MYOM2: variants seen among roughly 807,000 people sequenced by gnomAD.
MYOM2 encodes the protein myomesin 2.
In MYOM2, 254 loss-of-function variants were observed where a neutral mutation model predicts 187.6. The ratio of observed to expected loss-of-function variants is 1.35; its 90% CI spans 1.22 to 1.50. The LOEUF is 1.50. Among genes scored for constraint, MYOM2 ranks in the 40% most tolerant of loss-of-function variants. The pLI is 0.00. For missense variants in MYOM2, 2,796 were observed against 1,924.0 expected (o/e 1.45, Z -8.48); for synonymous variants, 981 against 753.8 (o/e 1.30, Z -4.94).
Position 2,081,363 on chromosome 8 carries a change from T to C in MYOM2, c.1516+1750T>C, listed in dbSNP as rs1309097751. On this transcript the variant is annotated intron_variant, in intron 13 of 36. Transcript: ENST00000262113. ...GGAGGAACAGGCAGCCCAGCCCATGTAGAATGAGGTTTGGTTCTGGCCTGC... is the reference window on the plus strand; with the variant it reads ...GGAGGAACAGGCAGCCCAGCCCATGCAGAATGAGGTTTGGTTCTGGCCTGC... Among the ~76,000 whole-genome samples, 18 of 95,724 alleles carry C rather than the reference T, an allele frequency of 1.9e-4. 1 individual carries two copies. Among genetic ancestry groups the C allele is most frequent in the African/African-American group, 6.4e-4 (15 of 23,362 alleles). 62.8% of individuals were successfully genotyped at this position (95,724 alleles called of 152,430 possible).
At chr8:2,045,597 G>A (rs1431170111) in intron 1 of MYOM2, among the ~76,000 whole-genome samples, 1 of 152,154 alleles carries the variant, frequency 6.6e-6, no homozygotes, top group African/African-American at 2.4e-5. Flanking sequence ...TTTCTTAAGG[G>A]AAAAAAGAGT....
rs571013350 is a variant in MYOM2, at chr8:2,085,428, T to C, written c.1644+38T>C. On this transcript the variant is annotated intron_variant, in intron 14 of 36. Transcript: ENST00000262113. ...CCCGTGTCCTGGAAAAGTAGATCTC[T>C]GCATGGCCCCCCACTGTCATGATCT... is the stretch of plus-strand genomic sequence containing the variant. 212 of 1,597,672 alleles carry C rather than the reference T, an allele frequency of 1.3e-4. 2 individuals carry two copies. In the South Asian group the frequency reaches 1.4e-3, roughly 10 times the overall value.
chr8:2,121,964 T>C (rs1321949366), intron 28 of MYOM2, among the ~76,000 whole-genome samples: 1 of 152,190 alleles, frequency 6.6e-6, no homozygotes, highest in East Asian at 1.9e-4. Flanking sequence ...ATGAGTTATT[T>C]TGGGGAATTA....
chr8:2,069,422 C>A (rs1361739063), intron 7 of MYOM2, 25 bp from the exon 8 acceptor site: 3 of 1,614,134 alleles, frequency 1.9e-6, no homozygotes, highest in African/African-American at 1.3e-5. Flanking sequence ...CTCTTTTCTG[C>A]TGCACTCACT....
intron 32 of MYOM2, among the ~76,000 whole-genome samples, chr8:2,132,631 G>C (rs1440230165): frequency 2.0e-5 from 3 of 151,956 alleles, no homozygotes; most frequent in Non-Finnish European, 4.4e-5. Flanking sequence ...CTGTCACCCG[G>C]GCTGGAGAGC....
chr8:2,086,336 C>T (rs1212923046), intron 14 of MYOM2, among the ~76,000 whole-genome samples: 1,608 of 100,900 alleles, frequency 0.016, 305 homozygotes, highest in Non-Finnish European at 0.026. Flanking sequence ...CGTGGCCCCC[C>T]ACTGTTGTGA....
At chr8:2,090,278 A>T in intron 15 of MYOM2, 87 bp downstream of exon 15, 1 of 1,300,522 alleles carries the variant, frequency 7.7e-7, no homozygotes, top group Non-Finnish European at 1.0e-6. Flanking sequence ...GAATAAAGAC[A>T]TTAATGTTAT....
At chr8:2,079,748 G>A in intron 13 of MYOM2, 135 bp downstream of exon 13, 1 of 920,742 alleles carries the variant, frequency 1.1e-6, no homozygotes, top group Non-Finnish European at 1.8e-6. Context: ...CGCAGGTCAG[G>A]CCTGCAAGCC....
intron 32 of MYOM2, among the ~76,000 whole-genome samples, chr8:2,132,597 C>CT (rs1209410955): frequency 2.6e-5 from 3 of 114,704 alleles, no homozygotes; most frequent in South Asian, 3.1e-4. Flanking sequence ...CTCTCTCTCT[C>CT]TTTTTTTGAG....
At chr8:2,139,863 C>T (rs1798214905) in intron 32 of MYOM2, among the ~76,000 whole-genome samples, 1 of 152,132 alleles carries the variant, frequency 6.6e-6, no homozygotes, top group South Asian at 2.1e-4. Context: ...CCTTAGAAGG[C>T]GGGAATGTAT....
At chr8:2,055,961 C>T (rs967483990) in intron 3 of MYOM2, among the ~76,000 whole-genome samples, 1 of 152,184 alleles carries the variant, frequency 6.6e-6, no homozygotes, top group Non-Finnish European at 1.5e-5. Context: ...CCTTTCCCTC[C>T]ACCGCCTCCT....
At chr8:2,118,582 G>C (rs545032857) in intron 28 of MYOM2, among the ~76,000 whole-genome samples, 1 of 152,302 alleles carries the variant, frequency 6.6e-6, no homozygotes, top group East Asian at 1.9e-4. Context: ...GTGTGCCAAG[G>C]GGACTAAGAA....
chr8:2,109,254 T>C, intron 24 of MYOM2, 141 bp from the exon 25 acceptor site: 1 of 991,940 alleles, frequency 1.0e-6, no homozygotes, highest in Admixed American at 3.4e-5. Flanking sequence ...TTTATATTTT[T>C]AGCTTCCATA....
intron 2 of MYOM2, among the ~76,000 whole-genome samples, chr8:2,051,813 C>T (rs1370097550): frequency 2.0e-5 from 3 of 152,112 alleles, no homozygotes; most frequent in Admixed American, 6.5e-5. Flanking sequence ...CTTGGGTTTG[C>T]CTGTGTGCAA....
chr8:2,072,084 G>T (rs1327063133), intron 8 of MYOM2, among the ~76,000 whole-genome samples: 1 of 152,208 alleles, frequency 6.6e-6, no homozygotes, highest in East Asian at 1.9e-4. Flanking sequence ...CGGTGACAAA[G>T]ACGTGCTTTT....
rs368556009 is a variant in MYOM2, at chr8:2,076,288, C to T, written c.1262+6C>T. 1.4e-4 allele frequency: 225 copies of T among 1,612,828 alleles called. 1 individual carries two copies. In the African/African-American group the frequency reaches 2.6e-3, roughly 18 times the overall value. ...ATGGGCTATTTTGTGGACCGGTGAG[C>T]GTCTTGCATTCTCCCGGGGATGGGA... On this transcript the variant is annotated splice_donor_region_variant and intron_variant, in intron 11 of 36. Coordinates refer to ENST00000262113, the MANE Select transcript of MYOM2 (RefSeq NM_003970.4).
chr8:2,122,402 A>G (rs1051541203), intron 28 of MYOM2, among the ~76,000 whole-genome samples: 2 of 152,234 alleles, frequency 1.3e-5, no homozygotes, highest in African/African-American at 4.8e-5. Flanking sequence ...TTAGTGAAAC[A>G]GACGAAACCC....
intron 31 of MYOM2, among the ~76,000 whole-genome samples, chr8:2,126,485 T>C (rs762649357): frequency 6.6e-6 from 1 of 152,126 alleles, no homozygotes; most frequent in South Asian, 2.1e-4. Context: ...CACTCATACA[T>C]GCACACACTT....
intron 25 of MYOM2, among the ~76,000 whole-genome samples, chr8:2,113,741 A>G (rs186668997): frequency 7.7e-4 from 118 of 152,282 alleles, no homozygotes; most frequent in Admixed American, 1.4e-3. Flanking sequence ...TTATCTTCCA[A>G]AATTGCTCAG....
Sources: gnomAD v4.1 joint callset for allele counts (sites outside exome capture counted in the v4.1 genomes callset) on GRCh38, gnomAD v4.1.1 for gene constraint, MANE v1.5 for transcripts, NCBI Gene and HGNC (gene_info 2026-07-23, HGNC 2026-07-21) for gene names.